Variants in ITPR2 observed in about 807,000 individuals in gnomAD.
The protein encoded by ITPR2 is inositol 1,4,5-trisphosphate-gated calcium channel ITPR2.
Under a neutral mutation model 317.1 loss-of-function variants are expected in ITPR2, and 207 were observed. The observed-to-expected ratio is 0.65, with a 90% CI of 0.58 to 0.73. ITPR2 has a LOEUF of 0.73. Among genes scored for constraint, ITPR2 ranks in the 30% least tolerant of loss-of-function variants. The pLI is 0.00. For missense variants in ITPR2, 2,613 were observed against 3,284.0 expected, an observed-to-expected ratio of 0.80 and a Z score of 4.99; for synonymous variants, 1,156 against 1,149.1, an observed-to-expected ratio of 1.01 and a Z score of -0.12.
intron 1 of ITPR2, among the ~76,000 whole-genome samples, chr12:26,812,759 G>A (rs898755028): frequency 5.3e-5 from 8 of 152,186 alleles, no homozygotes; most frequent in Non-Finnish European, 7.3e-5. Flanking sequence ...TAATTCAGAC[G>A]TTAAATGATG....
chr12:26,826,826 G>A (rs1007251455), intron 1 of ITPR2, among the ~76,000 whole-genome samples: 4 of 152,196 alleles, frequency 2.6e-5, no homozygotes, highest in Middle Eastern at 3.4e-3. Context: ...AGGAAGGACC[G>A]ATGCACCTTA....
rs200610620 is a variant in ITPR2, at chr12:26,472,867, G to GT, written c.6342+2428dup. 4.0e-3 allele frequency among the ~76,000 whole-genome samples: 600 copies of GT among 150,204 alleles called. 1 individual carries two copies. The highest frequency in any genetic ancestry group is 0.013 in the East Asian group (67 of 5,134). ...TTTAAAAATTTGTATTCTGTACTCTGTTTTTTTTTGTTTTTTGTTTGTTTG... is the reference window on the plus strand; with the variant it reads ...TTTAAAAATTTGTATTCTGTACTCTGTTTTTTTTTTGTTTTTTGTTTGTTTG... On this transcript the variant is annotated intron_variant, in intron 45 of 56. Transcript: ENST00000381340.
intron 46 of ITPR2, among the ~76,000 whole-genome samples, chr12:26,442,157 C>T (rs1941501204): frequency 6.6e-6 from 1 of 152,044 alleles, no homozygotes; most frequent in Non-Finnish European, 1.5e-5. Flanking sequence ...TTAATACCTT[C>T]CCTTCACTTA....
chr12:26,524,778 A>C (rs1023080450), intron 37 of ITPR2, among the ~76,000 whole-genome samples: 1 of 152,230 alleles, frequency 6.6e-6, no homozygotes, highest in African/African-American at 2.4e-5. Context: ...TTACAATATT[A>C]TCAAAATAAA....
At chr12:26,438,360 A>C (rs1430512942) in intron 47 of ITPR2, among the ~76,000 whole-genome samples, 2 of 152,098 alleles carry the variant, frequency 1.3e-5, no homozygotes, top group Non-Finnish European at 2.9e-5. Context: ...ACCATAATGA[A>C]ATACTGTTGA....
intron 54 of ITPR2, among the ~76,000 whole-genome samples, chr12:26,396,057 C>A (rs1432573373): frequency 6.6e-6 from 1 of 151,932 alleles, no homozygotes; most frequent in East Asian, 1.9e-4. Context: ...GGACAGAGCT[C>A]CAGGTGAGGT....
At chr12:26,657,204 G>C (rs934947937) in intron 18 of ITPR2, among the ~76,000 whole-genome samples, 2 of 152,130 alleles carry the variant, frequency 1.3e-5, no homozygotes, top group Non-Finnish European at 2.9e-5. Flanking sequence ...TTGACCACCA[G>C]GAACTGCCTT....
At chr12:26,682,261 A>C (rs1948048702) in intron 12 of ITPR2, among the ~76,000 whole-genome samples, 1 of 152,082 alleles carries the variant, frequency 6.6e-6, no homozygotes. Flanking sequence ...TCCCTTTCAC[A>C]CTTGCCCTCT....
At chr12:26,592,073 A>G (rs1383091281) in intron 32 of ITPR2, among the ~76,000 whole-genome samples, 1 of 152,208 alleles carries the variant, frequency 6.6e-6, no homozygotes, top group African/African-American at 2.4e-5. Flanking sequence ...AGCCAGTAAA[A>G]AAGAATGTGA....
intron 37 of ITPR2, among the ~76,000 whole-genome samples, chr12:26,535,047 T>A (rs1276255340): frequency 1.3e-5 from 2 of 152,198 alleles, no homozygotes; most frequent in Non-Finnish European, 2.9e-5. Flanking sequence ...GTTCTCACCA[T>A]AAATAAATGA....
intron 41 of ITPR2, among the ~76,000 whole-genome samples, chr12:26,484,990 C>T (rs1409245111): frequency 6.6e-6 from 1 of 152,006 alleles, no homozygotes; most frequent in African/African-American, 2.4e-5. Context: ...GCTGGGATTA[C>T]AGGCGTGAGC....
intron 55 of ITPR2, among the ~76,000 whole-genome samples, chr12:26,386,895 T>C (rs776248397): frequency 2.0e-5 from 3 of 152,116 alleles, no homozygotes; most frequent in Admixed American, 6.5e-5. Context: ...TATAAGCAAC[T>C]AGATGTGGCA....
chr12:26,575,528 A>G (rs1398287951), intron 34 of ITPR2, among the ~76,000 whole-genome samples: 1 of 152,046 alleles, frequency 6.6e-6, no homozygotes, highest in African/African-American at 2.4e-5. Flanking sequence ...GCCTTCTCAC[A>G]AAGAGAAAAC....
intron 54 of ITPR2, among the ~76,000 whole-genome samples, chr12:26,391,957 A>G (rs1939865090): frequency 6.6e-6 from 1 of 152,106 alleles, no homozygotes; most frequent in Admixed American, 6.5e-5. Flanking sequence ...TTGGGATAAG[A>G]GACTAAGGAT....
chr12:26,718,447 TTGTC>T (rs1187432432), intron 5 of ITPR2, among the ~76,000 whole-genome samples: 1 of 151,906 alleles, frequency 6.6e-6, no homozygotes, highest in Non-Finnish European at 1.5e-5. Context: ...TTTACTATAG[TTGTC>T]TGTAAGCTTT....
intron 53 of ITPR2, among the ~76,000 whole-genome samples, chr12:26,399,632 A>G (rs1434757488): frequency 4.6e-5 from 7 of 152,210 alleles, no homozygotes; most frequent in African/African-American, 1.4e-4. Flanking sequence ...AGATTCTTCA[A>G]GCTCCCAGCC....
intron 55 of ITPR2, among the ~76,000 whole-genome samples, chr12:26,371,121 G>A (rs1358430456): frequency 6.6e-6 from 1 of 152,176 alleles, no homozygotes; most frequent in Non-Finnish European, 1.5e-5. Flanking sequence ...GGAATGAGCT[G>A]GCAACCAAAA....
chr12:26,372,103 A>C (rs1939204945), intron 55 of ITPR2, among the ~76,000 whole-genome samples: 1 of 152,152 alleles, frequency 6.6e-6, no homozygotes, highest in Non-Finnish European at 1.5e-5. Context: ...CTTTATACAC[A>C]AGGTCCTCTT....
chr12:26,671,976 G>A (rs1565681455), intron 13 of ITPR2, among the ~76,000 whole-genome samples: 2 of 151,904 alleles, frequency 1.3e-5, no homozygotes, highest in Admixed American at 1.3e-4. Context: ...ATGGTAAAGG[G>A]ATCAATTCAA....
Sources: allele counts gnomAD v4.1 joint callset (sites outside exome capture counted in the v4.1 genomes callset), GRCh38; gene constraint gnomAD v4.1.1; transcripts MANE v1.5; gene names NCBI Gene and HGNC (gene_info 2026-07-23, HGNC 2026-07-21).